GLCCI1: variants seen among roughly 807,000 people sequenced by gnomAD.
GLCCI1 encodes glucocorticoid induced 1.
Under a neutral mutation model 52.2 loss-of-function variants are expected in GLCCI1, and 24 were observed. The observed-to-expected ratio is 0.46, with a 90% CI of 0.33 to 0.65. The LOEUF (loss-of-function observed/expected upper bound fraction) is 0.65, where lower values mean the gene tolerates loss of function less well. GLCCI1 is among the 30% of genes least tolerant of loss of function. GLCCI1 has a pLI of 0.02. For synonymous variants in GLCCI1, 310 were observed against 276.5 expected (o/e 1.12, Z -1.20); for missense variants, 704 against 701.5 (o/e 1.00, Z -0.04).
Position 8,061,657 on chromosome 7 carries a change from C to CTTTT in GLCCI1, c.966+1433_966+1436dup, listed in dbSNP as rs61377819. Among the ~76,000 whole-genome samples, 535 of 78,378 alleles carry CTTTT rather than the reference C, an allele frequency of 6.8e-3. 95 individuals are homozygous for CTTTT. The highest frequency in any genetic ancestry group is 0.031 in the East Asian group (73 of 2,382). 51.4% of individuals were successfully genotyped at this position (78,378 alleles called of 152,430 possible). ...TGGCATCTCTGTTTACCATTGAACT[C>CTTTT]TTTTTTTTTTTTTTTTTTTTTTTTT... On this transcript the variant is annotated intron_variant, in intron 5 of 7. Coordinates refer to ENST00000223145, the MANE Select transcript of GLCCI1 (RefSeq NM_138426.4).
intron 1 of GLCCI1, among the ~76,000 whole-genome samples, chr7:7,978,940 TTATAA>T (rs1046206648): frequency 3.3e-5 from 5 of 152,220 alleles, no homozygotes; most frequent in African/African-American, 1.2e-4. Context: ...CAAAATGTAT[TTATAA>T]TATCTTTCGA....
chr7:8,086,569 C>T lies in GLCCI1; in HGVS notation c.*31C>T, dbSNP rs569359124. On this transcript the variant is annotated 3_prime_UTR_variant, in exon 8 of 8. Transcript: ENST00000223145. The surrounding 1 kb of genome is among the most constrained non-coding windows in gnomAD (Gnocchi z 4.4). ...GGGGAGCTGGCCTCCACCCTATGTT[C>T]CATGGATTCGGAACAAGATTTCAGA... 4 of 1,510,692 alleles carry T rather than the reference C, an allele frequency of 2.6e-6. No individual in the cohort carries two copies. Among genetic ancestry groups the T allele is most frequent in the South Asian group, 2.6e-5 (2 of 77,002 alleles). 93.6% of individuals were successfully genotyped at this position (1,510,692 alleles called of 1,614,324 possible). A position where few individuals can be genotyped will look rare whatever the true frequency, so the allele number is the denominator to read the frequency against.
At chr7:8,020,501 T>C (rs1417935336) in intron 2 of GLCCI1, among the ~76,000 whole-genome samples, 2 of 152,226 alleles carry the variant, frequency 1.3e-5, no homozygotes, top group Non-Finnish European at 2.9e-5. Flanking sequence ...ATAAGAGAAC[T>C]CAGATTTAGT....
At chr7:7,986,114 C>G (rs997765284) in intron 1 of GLCCI1, among the ~76,000 whole-genome samples, 1 of 152,106 alleles carries the variant, frequency 6.6e-6, no homozygotes, top group Non-Finnish European at 1.5e-5. Context: ...CTGTTACTGT[C>G]TGTATAAAAA....
chr7:7,990,915 T>G, intron 1 of GLCCI1, among the ~76,000 whole-genome samples: 1 of 152,108 alleles, frequency 6.6e-6, no homozygotes, highest in East Asian at 1.9e-4. Flanking sequence ...AAACAACATA[T>G]TCACCATTGC....
intron 1 of GLCCI1, among the ~76,000 whole-genome samples, chr7:7,990,247 G>A (rs982667365): frequency 2.6e-5 from 4 of 152,036 alleles, no homozygotes; most frequent in African/African-American, 9.7e-5. Flanking sequence ...TGGGCACTTA[G>A]GGTGAACAGT....
At position 7,969,966 on chromosome 7, in the gene GLCCI1, G is replaced by A; in HGVS notation, c.457+159G>A. The A allele has an allele frequency of 2.9e-6, 3 of 1,026,724 alleles. No individual in the cohort carries two copies. The highest frequency in any genetic ancestry group is 3.6e-6 in the Non-Finnish European group (3 of 831,528). The allele number at this position is 1,026,724 out of a possible 1,614,324, so 63.6% of individuals were successfully genotyped here. ...CCCCCTGCGGTCGCTGTGGGGCTTG[G>A]AGGAGCGAACTGAAAAGCGACTTTT... On this transcript the variant is annotated intron_variant, in intron 1 of 7. Coordinates refer to ENST00000223145, the MANE Select transcript of GLCCI1 (RefSeq NM_138426.4). The surrounding 1 kb of genome is among the most constrained non-coding windows in gnomAD (Gnocchi z 4.9).
rs765273461 is a variant in GLCCI1, at chr7:8,055,529, A to G, written c.793A>G (p.Ile265Val). The G allele has an allele frequency of 4.4e-6, 7 of 1,607,548 alleles. No individual in the cohort carries two copies. The highest frequency in any genetic ancestry group is 2.2e-5 in the South Asian group (2 of 90,984). The change falls in exon 4 of 8, where the codon ATA becomes GTA. Residue 265 changes from isoleucine to valine, a missense_variant. This residue lies in a region of GLCCI1 where 547 missense variants were observed against 524.8 expected (regional missense o/e 1.04). Coordinates refer to ENST00000223145, the MANE Select transcript of GLCCI1 (RefSeq NM_138426.4). ...CCAGTCACCTCTTCATGGCAACCAT[A>G]TAACAATCAGTCACACTCAGGTAGG... ...DRQSPLHGNH[I>V]TISHTQATGS...
intron 1 of GLCCI1, among the ~76,000 whole-genome samples, chr7:7,984,777 A>G (rs915372563): frequency 6.6e-6 from 1 of 152,140 alleles, no homozygotes; most frequent in Non-Finnish European, 1.5e-5. Flanking sequence ...TTATAAATGA[A>G]CATGAATACA....
At chr7:8,053,054 A>C (rs1295527544) in intron 3 of GLCCI1, among the ~76,000 whole-genome samples, 2 of 151,142 alleles carry the variant, frequency 1.3e-5, no homozygotes, top group Non-Finnish European at 3.0e-5. Context: ...AAATGTTAAC[A>C]GTAGTGGGGG....
chr7:7,987,452 G>A (rs1357118930), intron 1 of GLCCI1, among the ~76,000 whole-genome samples: 3 of 152,178 alleles, frequency 2.0e-5, no homozygotes, highest in African/African-American at 7.2e-5. Context: ...TGAAATGTCA[G>A]TTTCTTGAGG....
At chr7:7,970,743 G>A (rs2115397995) in intron 1 of GLCCI1, among the ~76,000 whole-genome samples, 1 of 152,236 alleles carries the variant, frequency 6.6e-6, no homozygotes, top group East Asian at 1.9e-4. Flanking sequence ...GGGGAGAAAA[G>A]GAAGATTAGC....
At chr7:8,046,584 T>A (rs777520017) in intron 3 of GLCCI1, among the ~76,000 whole-genome samples, 6 of 152,216 alleles carry the variant, frequency 3.9e-5, no homozygotes, top group South Asian at 2.1e-4. Flanking sequence ...TTTCTATTGA[T>A]AATAACTCAG....
chr7:8,037,797 G>A (rs1781900017), intron 3 of GLCCI1, among the ~76,000 whole-genome samples: 1 of 151,896 alleles, frequency 6.6e-6, no homozygotes. Flanking sequence ...AAAAGATAAG[G>A]TCATTATATA....
At chr7:7,995,909 T>C (rs1046782309) in intron 1 of GLCCI1, among the ~76,000 whole-genome samples, 3 of 151,104 alleles carry the variant, frequency 2.0e-5, no homozygotes, top group East Asian at 1.9e-4. Context: ...ATAAAAAAAA[T>C]AAAATAAATT....
intron 5 of GLCCI1, among the ~76,000 whole-genome samples, chr7:8,063,758 A>G (rs1424636028): frequency 6.6e-6 from 1 of 150,688 alleles, no homozygotes. Context: ...AGCTGGGACT[A>G]CAGTCCTGTC....
Position 8,055,480 on chromosome 7 carries a change from T to C in GLCCI1, c.744T>C (p.Ser248=). The part of the protein sequence containing the change: ...RQQLQRSKQS[S]RHSKEKDRQS... ...AACTACAACGCAGTAAACAGAGTAG[T>C]CGTCACAGTAAGGAGAAAGATCGCC... Residue 248 remains serine, a synonymous_variant, in exon 4 of 8, where the codon AGT becomes AGC. Coordinates refer to ENST00000223145, the MANE Select transcript of GLCCI1 (RefSeq NM_138426.4). The C allele has an allele frequency of 6.2e-7, 1 of 1,613,990 alleles. No homozygotes were observed. Among genetic ancestry groups the C allele is most frequent in the Middle Eastern group, 1.6e-4 (1 of 6,062 alleles).
At chr7:7,972,141 T>A (rs2115399146) in intron 1 of GLCCI1, among the ~76,000 whole-genome samples, 1 of 152,364 alleles carries the variant, frequency 6.6e-6, no homozygotes, top group East Asian at 1.9e-4. Context: ...ATCTTCTCAA[T>A]TTCTTTTGAA....
intron 2 of GLCCI1, 76 bp downstream of exon 2, chr7:8,004,135 T>C (rs551003827): frequency 7.8e-6 from 10 of 1,281,192 alleles, no homozygotes; most frequent in African/African-American, 7.4e-5. Context: ...AAATGTAATA[T>C]AATCAAATTT....
Sources: allele counts gnomAD v4.1 joint callset (sites outside exome capture counted in the v4.1 genomes callset), GRCh38; gene constraint gnomAD v4.1.1; regional missense constraint gnomAD v4.1.1; non-coding constraint Gnocchi (gnomAD v3.1); transcripts MANE v1.5; gene names NCBI Gene and HGNC (gene_info 2026-07-23, HGNC 2026-07-21).